FAR2: variants seen among roughly 807,000 people sequenced by gnomAD.
The protein encoded by FAR2 is fatty acyl-CoA reductase 2.
Under a neutral mutation model 56.0 loss-of-function variants are expected in FAR2, and 19 were observed. That is an observed-to-expected ratio of 0.34 (90% CI 0.24 to 0.50). The LOEUF (loss-of-function observed/expected upper bound fraction) is 0.50. Ranked by LOEUF, FAR2 falls within the 20% of genes least tolerant of loss-of-function variation. FAR2 has a pLI of 0.98. For synonymous variants in FAR2, 219 were observed against 218.8 expected, an observed-to-expected ratio of 1.00 and a Z score of -0.01; for missense variants, 508 against 642.2, an observed-to-expected ratio of 0.79 and a Z score of 2.26.
chr12:29,188,009 T>C (rs1950060269), intron 1 of FAR2, among the ~76,000 whole-genome samples: 1 of 152,208 alleles, frequency 6.6e-6, no homozygotes, highest in African/African-American at 2.4e-5. Context: ...TATTTCAGAA[T>C]CACTACCTTC....
intron 1 of FAR2, among the ~76,000 whole-genome samples, chr12:29,202,267 T>C (rs1426274964): frequency 6.6e-6 from 1 of 152,192 alleles, no homozygotes; most frequent in Non-Finnish European, 1.5e-5. Flanking sequence ...TCAAAGCTGC[T>C]TTCCAAAAAT....
intron 1 of FAR2, among the ~76,000 whole-genome samples, chr12:29,246,756 C>A (rs1033269311): frequency 1.3e-5 from 2 of 152,050 alleles, no homozygotes; most frequent in South Asian, 2.1e-4. Context: ...GTAATTTTTG[C>A]AGATCTGTGA....
intron 1 of FAR2, among the ~76,000 whole-genome samples, chr12:29,257,982 T>C (rs1948354571): frequency 1.3e-5 from 2 of 152,130 alleles, no homozygotes; most frequent in Admixed American, 1.3e-4. Context: ...CTCTATAGCC[T>C]TAATCCTACC....
chr12:29,183,796 T>C (rs184856055), intron 1 of FAR2, among the ~76,000 whole-genome samples: 3 of 152,342 alleles, frequency 2.0e-5, no homozygotes, highest in African/African-American at 7.2e-5. Flanking sequence ...TAACAGCACT[T>C]TAACTTTTAT....
At chr12:29,333,102 C>T in intron 11 of FAR2, 1 of 339,046 alleles carries the variant, frequency 2.9e-6, no homozygotes. Context: ...GCTATTTAAC[C>T]TAGAAAAAAG....
At chr12:29,320,273 G>A (rs536674897) in intron 9 of FAR2, among the ~76,000 whole-genome samples, 2 of 152,240 alleles carry the variant, frequency 1.3e-5, no homozygotes, top group South Asian at 4.1e-4. Flanking sequence ...CATATCATTA[G>A]GTTGATATAG....
Position 29,307,832 on chromosome 12 carries a change from C to T in FAR2, c.720C>T (p.Phe240=), listed in dbSNP as rs1300945724. 3 of 1,608,786 alleles carry T rather than the reference C, an allele frequency of 1.9e-6. No homozygotes were observed. The highest frequency in any genetic ancestry group is 2.5e-6 in the Non-Finnish European group (3 of 1,178,794). The part of the protein sequence containing the change: ...SIVGATWQEP[F]PGWVDNINGP... ...TGGGAGCAACTTGGCAGGAGCCTTT[C>T]CCAGTAAGCCCACTTACCTGGATTC... The change falls in exon 5 of 12, where the codon TTC becomes TTT. Residue 240 remains phenylalanine, a synonymous_variant. Coordinates refer to ENST00000536681, the MANE Select transcript of FAR2 (RefSeq NM_001271783.2).
intron 2 of FAR2, among the ~76,000 whole-genome samples, chr12:29,282,539 A>C (rs528471660): frequency 6.6e-6 from 1 of 151,396 alleles, no homozygotes; most frequent in South Asian, 2.1e-4. Flanking sequence ...AATGAATTCT[A>C]ACTCACTGCA....
chr12:29,256,677 G>A (rs1052483994), intron 1 of FAR2, among the ~76,000 whole-genome samples: 2 of 152,204 alleles, frequency 1.3e-5, no homozygotes, highest in South Asian at 2.1e-4. Context: ...GCTGTGCGTG[G>A]CACTTGCGGG....
At chr12:29,226,504 GA>G (rs1032315130) in intron 1 of FAR2, among the ~76,000 whole-genome samples, 16 of 151,836 alleles carry the variant, frequency 1.1e-4, no homozygotes, top group Non-Finnish European at 2.1e-4. Flanking sequence ...GCTCTGGGGA[GA>G]AAAAAAGGTT....
At chr12:29,256,168 G>A (rs1327591697) in intron 1 of FAR2, among the ~76,000 whole-genome samples, 2 of 151,568 alleles carry the variant, frequency 1.3e-5, no homozygotes, top group East Asian at 3.9e-4. Flanking sequence ...CACTGCACCC[G>A]GCCTTATTAT....
rs1489057421 is a variant in FAR2, at chr12:29,210,300, GTGTT to G, written c.-38-60110_-38-60107del. Among the ~76,000 whole-genome samples, 221 of 152,252 alleles carry G rather than the reference GTGTT, an allele frequency of 1.5e-3. 1 individual carries two copies. The South Asian group carries it at 0.021, about 15-fold the overall frequency. On this transcript the variant is annotated intron_variant, in intron 1 of 11. Transcript: ENST00000536681. ...TTATCACAAGCTAGACAGTTTATCA[GTGTT>G]TACTCTAAGATACTCTAATCAAGGT...
chr12:29,216,090 A>C (rs1027089557), intron 1 of FAR2, among the ~76,000 whole-genome samples: 1 of 152,170 alleles, frequency 6.6e-6, no homozygotes, highest in Non-Finnish European at 1.5e-5. Context: ...TATTACCCAG[A>C]TCTTCAGCTG....
At chr12:29,181,161 G>C (rs1300816451) in intron 1 of FAR2, among the ~76,000 whole-genome samples, 2 of 151,894 alleles carry the variant, frequency 1.3e-5, no homozygotes, top group Non-Finnish European at 2.9e-5. Context: ...TGTAACAATT[G>C]AGAAACAGAG....
chr12:29,234,318 T>C (rs1947902511), intron 1 of FAR2, among the ~76,000 whole-genome samples: 2 of 152,126 alleles, frequency 1.3e-5, no homozygotes, highest in Admixed American at 1.3e-4. Flanking sequence ...TTTTTTCCCC[T>C]TTCCTAGTCA....
intron 5 of FAR2, among the ~76,000 whole-genome samples, chr12:29,308,302 C>T (rs542926216): frequency 6.6e-6 from 1 of 152,244 alleles, no homozygotes; most frequent in East Asian, 1.9e-4. Context: ...TTGAATTATA[C>T]CATCTTCTTG....
chr12:29,247,647 C>A (rs780409132), intron 1 of FAR2, among the ~76,000 whole-genome samples: 1 of 152,098 alleles, frequency 6.6e-6, no homozygotes, highest in Non-Finnish European at 1.5e-5. Context: ...ACAGAAATTA[C>A]CAACTTTATT....
chr12:29,258,756 C>A (rs1948370057), intron 1 of FAR2, among the ~76,000 whole-genome samples: 2 of 152,184 alleles, frequency 1.3e-5, no homozygotes, highest in Non-Finnish European at 2.9e-5. Flanking sequence ...TCAGCTGACC[C>A]TATGCTGGCT....
chr12:29,169,616 TA>T (rs1197172742), intron 1 of FAR2, among the ~76,000 whole-genome samples: 7 of 152,244 alleles, frequency 4.6e-5, no homozygotes, highest in African/African-American at 1.7e-4. Flanking sequence ...CTGGTTAGTG[TA>T]AAAACAACAC....
Sources: gnomAD v4.1 joint callset for allele counts (sites outside exome capture counted in the v4.1 genomes callset) on GRCh38, gnomAD v4.1.1 for gene constraint, MANE v1.5 for transcripts, NCBI Gene and HGNC (gene_info 2026-07-23, HGNC 2026-07-21) for gene names.